Variants in CCDC30 observed in about 807,000 individuals in gnomAD.
CCDC30 encodes coiled-coil domain-containing protein 30.
Under a neutral mutation model 100.2 loss-of-function variants are expected in CCDC30, and 70 were observed. The ratio of observed to expected loss-of-function variants is 0.70; its 90% CI spans 0.58 to 0.85. CCDC30 has a LOEUF of 0.85. CCDC30 is among the 40% of genes least tolerant of loss of function. CCDC30 has a pLI of 0.00. For synonymous variants in CCDC30, 233 were observed against 269.5 expected (o/e 0.86, Z 1.33); for missense variants, 652 against 771.2 (o/e 0.85, Z 1.83).
At chr1:42,619,911 T>C (rs1250715598) in intron 11 of CCDC30, among the ~76,000 whole-genome samples, 2 of 152,238 alleles carry the variant, frequency 1.3e-5, no homozygotes, top group Non-Finnish European at 2.9e-5. Context: ...TGAAATATTT[T>C]CATTTCCTTC....
At chr1:42,500,082 C>A (rs1644286171) in intron 6 of CCDC30, 11 of 903,350 alleles carry the variant, frequency 1.2e-5, no homozygotes, top group Non-Finnish European at 1.8e-5. Context: ...GTGAAAGGGG[C>A]AGCACAGTCA....
intron 6 of CCDC30, among the ~76,000 whole-genome samples, chr1:42,530,329 T>A (rs1644787353): frequency 1.3e-5 from 2 of 152,236 alleles, no homozygotes; most frequent in South Asian, 2.1e-4. Context: ...ACAGTATATT[T>A]TTATTATTAT....
chr1:42,540,891 G>C (rs920611693), intron 6 of CCDC30, among the ~76,000 whole-genome samples: 1 of 152,096 alleles, frequency 6.6e-6, no homozygotes, highest in Non-Finnish European at 1.5e-5. Context: ...CCCCTCTATA[G>C]CAAGAGAATA....
At chr1:42,535,927 T>G (rs1465121899) in intron 6 of CCDC30, among the ~76,000 whole-genome samples, 2 of 150,306 alleles carry the variant, frequency 1.3e-5, no homozygotes, top group Non-Finnish European at 2.9e-5. Context: ...AGATTTAAGT[T>G]AGACTTGACT....
chr1:42,528,055 G>A (rs913004082), intron 6 of CCDC30, among the ~76,000 whole-genome samples: 2 of 151,968 alleles, frequency 1.3e-5, no homozygotes, highest in Non-Finnish European at 2.9e-5. Flanking sequence ...TGGTAGAGAT[G>A]GGGTTTCACC....
At chr1:42,548,551 A>G (rs1279828122) in intron 6 of CCDC30, among the ~76,000 whole-genome samples, 1 of 152,200 alleles carries the variant, frequency 6.6e-6, no homozygotes, top group Non-Finnish European at 1.5e-5. Context: ...AGATACTATG[A>G]TTGCCTTGGG....
At chr1:42,557,727 A>G (rs1400531122) in intron 6 of CCDC30, among the ~76,000 whole-genome samples, 2 of 148,116 alleles carry the variant, frequency 1.4e-5, no homozygotes, top group African/African-American at 2.4e-5. Flanking sequence ...AAATAATAAA[A>G]TATTTAAAAT....
At chr1:42,642,354 G>T (rs1647526110) in intron 12 of CCDC30, 119 bp from the exon 17 acceptor site, 7 of 797,824 alleles carry the variant, frequency 8.8e-6, no homozygotes, top group Non-Finnish European at 1.9e-6. Context: ...ACAGACTAGG[G>T]GACAGGAAAA....
At chr1:42,525,383 A>G (rs1644708524) in intron 6 of CCDC30, among the ~76,000 whole-genome samples, 1 of 151,472 alleles carries the variant, frequency 6.6e-6, no homozygotes. Flanking sequence ...AAGTTCACTC[A>G]TTTTTTTTCT....
rs927350013 is a variant in CCDC30, at chr1:42,522,782, C to T, written c.456+23866C>T. 3.3e-5 allele frequency among the ~76,000 whole-genome samples: 5 copies of T among 152,200 alleles called. No individual in the cohort carries two copies. The South Asian group carries it at 1.0e-3, about 32-fold the overall frequency. On this transcript the variant is annotated intron_variant, in intron 6 of 16. Transcript: ENST00000668663. ...GTTATAAACCAAAGTTACAATAATACTAGCTTTTAGACCAATAATTTTCTT... is the reference window on the plus strand; with the variant it reads ...GTTATAAACCAAAGTTACAATAATATTAGCTTTTAGACCAATAATTTTCTT...
At chr1:42,637,412 G>T in intron 12 of CCDC30, 34 bp downstream of exon 16, 1 of 1,594,004 alleles carries the variant, frequency 6.3e-7, no homozygotes, top group Non-Finnish European at 8.5e-7. Flanking sequence ...GAGCTCACTG[G>T]TGATTCCCAT....
At chr1:42,536,249 C>T (rs1644902327) in intron 6 of CCDC30, among the ~76,000 whole-genome samples, 1 of 151,912 alleles carries the variant, frequency 6.6e-6, no homozygotes, top group South Asian at 2.1e-4. Context: ...CATTTTATTC[C>T]TACTGTGATG....
intron 11 of CCDC30, among the ~76,000 whole-genome samples, chr1:42,634,269 A>C (rs1001737103): frequency 2.1e-3 from 304 of 142,998 alleles, no homozygotes; most frequent in African/African-American, 2.9e-3. Flanking sequence ...AAAAAAAAAA[A>C]AAAAACAAAA....
intron 6 of CCDC30, among the ~76,000 whole-genome samples, chr1:42,504,268 C>T (rs1257301629): frequency 6.6e-6 from 1 of 152,204 alleles, no homozygotes; most frequent in African/African-American, 2.4e-5. Flanking sequence ...AAGCCCACCA[C>T]CTTCCAGCGT....
upstream of CCDC30, chr1:42,459,463 A>T (rs1643343614): frequency 1.5e-5 from 12 of 774,660 alleles, no homozygotes; most frequent in Admixed American, 3.5e-4. Context: ...TTCCCCTAAG[A>T]CTTTTTAAAC....
rs1646291926 is a variant in CCDC30 at position 42,596,568 on chromosome 1, G to T, written c.1164+7085G>T. ...CACGTGTGAAATTTACAGTCCAGGG[G>T]CACAGGCTTACTAAAAGACTGTACC... is the stretch of plus-strand genomic sequence containing the variant. On this transcript the variant is annotated intron_variant, in intron 10 of 16. Transcript: ENST00000668663. This position sits in a 1 kb window ranked among gnomAD's most constrained non-coding sequence, Gnocchi z 4.3. Among the ~76,000 whole-genome samples the T allele has an allele frequency of 6.6e-6, 1 of 151,942 alleles. No homozygotes were observed. Among genetic ancestry groups the T allele is most frequent in the Admixed American group, 6.6e-5 (1 of 15,240 alleles).
At chr1:42,621,732 C>T (rs377720075) in intron 11 of CCDC30, among the ~76,000 whole-genome samples, 11 of 152,052 alleles carry the variant, frequency 7.2e-5, no homozygotes, top group Admixed American at 5.9e-4. Flanking sequence ...AGGATGGTCG[C>T]GATCTCCTGA....
At chr1:42,500,080 G>C in intron 6 of CCDC30, 3 of 896,164 alleles carry the variant, frequency 3.3e-6, no homozygotes, top group Non-Finnish European at 5.5e-6. Flanking sequence ...ATGTGAAAGG[G>C]GCAGCACAGT....
At chr1:42,576,704 T>C (rs1376136836) in intron 7 of CCDC30, among the ~76,000 whole-genome samples, 1 of 152,194 alleles carries the variant, frequency 6.6e-6, no homozygotes, top group East Asian at 1.9e-4. Flanking sequence ...ATTTTGGCAA[T>C]GAAGAGGTCA....
Sources: gnomAD v4.1 joint callset for allele counts (sites outside exome capture counted in the v4.1 genomes callset) on GRCh38, gnomAD v4.1.1 for gene constraint, Gnocchi (gnomAD v3.1) non-coding constraint, MANE v1.5 for transcripts, NCBI Gene and HGNC (gene_info 2026-07-23, HGNC 2026-07-21) for gene names.